Variants in PAK1 observed in about 807,000 individuals in gnomAD.
The protein encoded by PAK1 is p21 (RAC1) activated kinase 1, also known as serine/threonine-protein kinase PAK 1.
PAK1 carries 29 observed loss-of-function variants against 67.4 expected under a neutral mutation model. The ratio of observed to expected loss-of-function variants is 0.43; its 90% confidence interval spans 0.32 to 0.59. The LOEUF (loss-of-function observed/expected upper bound fraction) is 0.59. PAK1 is among the 20% of genes least tolerant of loss of function. PAK1 has a pLI of 0.07. For missense variants in PAK1, 337 were observed against 670.7 expected (o/e 0.50, Z 5.50); for synonymous variants, 223 against 237.4 (o/e 0.94, Z 0.56).
intron 5 of PAK1, among the ~76,000 whole-genome samples, chr11:77,369,315 C>T (rs892843098): frequency 6.6e-6 from 1 of 151,744 alleles, no homozygotes; most frequent in South Asian, 2.1e-4. Context: ...CCTCTGTTCT[C>T]TGCTTATGCT....
At chr11:77,495,360 G>A in the PAK1 span, among the ~76,000 whole-genome samples, 1 of 151,618 alleles carries the variant, frequency 6.6e-6, no homozygotes, top group African/African-American at 2.4e-5. Flanking sequence ...TGTAATCCCA[G>A]CTACTCAAGA....
intron 1 of PAK1, among the ~76,000 whole-genome samples, chr11:77,449,237 T>TTCAAC (rs1956749002): frequency 6.6e-6 from 1 of 152,066 alleles, no homozygotes; most frequent in Non-Finnish European, 1.5e-5. Context: ...CACAATTCAA[T>TTCAAC]TCAACCTCAA....
intron 2 of PAK1, among the ~76,000 whole-genome samples, chr11:77,386,766 TATTA>T (rs139141376): frequency 3.1e-4 from 47 of 152,216 alleles, no homozygotes; most frequent in African/African-American, 9.4e-4. Context: ...CAGGTATCAG[TATTA>T]ATTAATTAAT....
At chr11:77,510,053 A>G in the PAK1 span, among the ~76,000 whole-genome samples, 1 of 152,168 alleles carries the variant, frequency 6.6e-6, no homozygotes, top group Non-Finnish European at 1.5e-5. Flanking sequence ...ATGATTTTCA[A>G]TTGCTGTTAT....
chr11:77,353,723 T>A (rs576836859), intron 7 of PAK1, 124 bp from the exon 8 acceptor site: 1 of 721,684 alleles, frequency 1.4e-6, no homozygotes, highest in Admixed American at 2.2e-5. Context: ...CCAAAAAGCA[T>A]GCTAAACAGG....
chr11:77,344,072 A>C, intron 9 of PAK1, 141 bp from the exon 10 acceptor site: 1 of 617,080 alleles, frequency 1.6e-6, no homozygotes. Context: ...CAGTTTGTCT[A>C]TGTAGACCAG....
intron 9 of PAK1, 57 bp from the exon 10 acceptor site, chr11:77,343,988 C>CTG: frequency 9.1e-7 from 1 of 1,100,384 alleles, no homozygotes; most frequent in East Asian, 2.3e-5. Context: ...TATTGAGCAC[C>CTG]TGCTAAGTAC....
intron 1 of PAK1, among the ~76,000 whole-genome samples, chr11:77,422,408 A>G (rs1955313616): frequency 6.6e-6 from 1 of 152,106 alleles, no homozygotes; most frequent in African/African-American, 2.4e-5. Context: ...TAAAAATACA[A>G]AACTTAGCCA....
At chr11:77,526,270 T>A in the PAK1 span, among the ~76,000 whole-genome samples, 1 of 152,130 alleles carries the variant, frequency 6.6e-6, no homozygotes, top group Admixed American at 6.6e-5. Context: ...AACTTAGAAA[T>A]GTATGGAAAA....
At chr11:77,330,748 CCAAAAGCAATGGCAA>C (rs1267258128) in intron 14 of PAK1, among the ~76,000 whole-genome samples, 2 of 152,088 alleles carry the variant, frequency 1.3e-5, no homozygotes, top group African/African-American at 4.8e-5. Flanking sequence ...GTCTAAAACA[CCAAAAGCAATGGCAA>C]CAAAAGCCAA....
intron 1 of PAK1, among the ~76,000 whole-genome samples, chr11:77,394,681 C>T (rs1406407666): frequency 1.3e-5 from 2 of 152,070 alleles, no homozygotes; most frequent in Non-Finnish European, 2.9e-5. Flanking sequence ...CCCATCTCTA[C>T]TAAAATGCAA....
intron 2 of PAK1, among the ~76,000 whole-genome samples, chr11:77,391,708 ACAGTGTTAAAAT>A (rs1007296110): frequency 6.6e-6 from 1 of 152,238 alleles, no homozygotes; most frequent in African/African-American, 2.4e-5. Flanking sequence ...TATTAAATCA[ACAGTGTTAAAAT>A]CAGTGTTAAA....
the PAK1 span, among the ~76,000 whole-genome samples, chr11:77,485,093 C>T: frequency 6.6e-6 from 1 of 152,114 alleles, no homozygotes; most frequent in Non-Finnish European, 1.5e-5. Context: ...GGGTCCTTCC[C>T]ACATCACTTG....
At chr11:77,491,200 T>A in the PAK1 span, among the ~76,000 whole-genome samples, 6 of 130,652 alleles carry the variant, frequency 4.6e-5, no homozygotes, top group African/African-American at 8.6e-5. Flanking sequence ...AAAAAAGAAA[T>A]CATTAGAAGG....
In PAK1 at chr11:77,358,942, T is replaced by TAGC. The variant is rs1336456890; in HGVS notation, c.550_552dup (p.Ala184dup). 1 of 1,613,338 alleles carries TAGC rather than the reference T, an allele frequency of 6.2e-7. No individual in the cohort carries two copies. Among genetic ancestry groups the TAGC allele is most frequent in the Non-Finnish European group, 8.5e-7 (1 of 1,179,434 alleles). On this transcript the variant is annotated inframe_insertion, in exon 6 of 15. Coordinates refer to ENST00000356341, the MANE Select transcript of PAK1 (RefSeq NM_002576.5). Reference sequence around the variant, plus strand: ...CGTGGAGCAATCACTGGTGGTGGGGTAGCATCATCATCATCATCATCCTCA... The same window carrying TAGC: ...CGTGGAGCAATCACTGGTGGTGGGGTAGCAGCATCATCATCATCATCATCCTCA...
intron 1 of PAK1, among the ~76,000 whole-genome samples, chr11:77,441,789 A>C (rs186330565): frequency 1.6e-4 from 25 of 152,346 alleles, no homozygotes; most frequent in Non-Finnish European, 2.1e-4. Flanking sequence ...TGAGTTTTTA[A>C]AAGCATTAAG....
intron 9 of PAK1, chr11:77,347,140 T>C: frequency 2.2e-6 from 1 of 452,850 alleles, no homozygotes; most frequent in Non-Finnish European, 4.4e-6. Context: ...TGGACTCCCT[T>C]CCATTCATAG....
At chr11:77,480,332 CAATT>C in the PAK1 span, among the ~76,000 whole-genome samples, 1 of 151,490 alleles carries the variant, frequency 6.6e-6, no homozygotes. Flanking sequence ...AGTATATAAA[CAATT>C]AGGTAAGCTT....
intron 9 of PAK1, among the ~76,000 whole-genome samples, chr11:77,348,249 T>C (rs1675461017): frequency 6.6e-6 from 1 of 152,196 alleles, no homozygotes. Context: ...AATTATTGTG[T>C]ACTGGTACTC....
Sources: allele counts gnomAD v4.1 joint callset (sites outside exome capture counted in the v4.1 genomes callset), GRCh38; gene constraint gnomAD v4.1.1; transcripts MANE v1.5; gene names NCBI Gene and HGNC (gene_info 2026-07-23, HGNC 2026-07-21).